MYH3: variants seen among roughly 807,000 people sequenced by gnomAD.
The protein encoded by MYH3 is myosin heavy chain 3.
A neutral mutation model predicts 238.0 loss-of-function variants in MYH3; 130 were observed. That is an observed-to-expected ratio of 0.55 (90% CI 0.47 to 0.63). MYH3 has a LOEUF of 0.63. MYH3 is among the 30% of genes least tolerant of loss of function. The probability of loss-of-function intolerance (pLI) is 0.00; values close to 1 mark genes in which losing one functional copy is unlikely to be tolerated. For missense variants in MYH3, 1,853 were observed against 2,374.9 expected, an observed-to-expected ratio of 0.78 and a Z score of 4.57; for synonymous variants, 880 against 924.1, an observed-to-expected ratio of 0.95 and a Z score of 0.86.
At chr17:10,643,592 T>G (rs1041406640) in intron 14 of MYH3, among the ~76,000 whole-genome samples, 10 of 152,112 alleles carry the variant, frequency 6.6e-5, no homozygotes, top group African/African-American at 2.2e-4. Flanking sequence ...GCCAGGATGG[T>G]CTTGATCTCT....
rs369469636 is a variant in MYH3 at position 10,644,516 on chromosome 17, T to A, written c.1261-16A>T. 1.2e-4 allele frequency: 189 copies of A among 1,614,060 alleles called. No individual in the cohort carries two copies. Among genetic ancestry groups the A allele is most frequent in the Non-Finnish European group, 1.5e-4 (172 of 1,179,994 alleles). On this transcript the variant is annotated splice_polypyrimidine_tract_variant and intron_variant, in intron 13 of 40. Coordinates refer to ENST00000583535, the MANE Select transcript of MYH3 (RefSeq NM_002470.4). Reference sequence around the variant, plus strand: ...CATGGTGAACCTATCAGGGGAAAGATCAGCTACTGGATATGAAGGAAGTGG... The same window carrying A: ...CATGGTGAACCTATCAGGGGAAAGAACAGCTACTGGATATGAAGGAAGTGG...
At chr17:10,639,945 TAATC>T (rs1427041411) in intron 22 of MYH3, 47 bp downstream of exon 22, 1 of 1,589,604 alleles carries the variant, frequency 6.3e-7, no homozygotes, top group Non-Finnish European at 8.5e-7. Flanking sequence ...TCTAAATAAA[TAATC>T]AAATCTAGAA....
chr17:10,653,872 G>A (rs913431964), intron 3 of MYH3, among the ~76,000 whole-genome samples: 8 of 152,174 alleles, frequency 5.3e-5, no homozygotes, highest in Non-Finnish European at 7.3e-5. Flanking sequence ...CTTCCCTGAC[G>A]TGTTAGCAGC....
rs2074250235 is a variant in MYH3, at chr17:10,639,698, A to C, written c.2787T>G (p.Asp929Glu). ...KIKEVTERAEDEEEINAELTA... is the reference protein window; with the variant it reads ...KIKEVTERAEEEEEINAELTA... ...TCAGCTCAGCATTGATCTCCTCCTC[A>C]TCTTCAGCTCTCTCTGTCACCTCCT... The change falls in exon 23 of 41, where the codon GAT (aspartate) becomes GAG (glutamate). Residue 929 changes from aspartate (D) to glutamate (E), a missense_variant. This residue lies in a region of MYH3 where 678 missense variants were observed against 1,058.9 expected (regional missense o/e 0.64). Transcript: ENST00000583535. 6.2e-7 allele frequency: 1 copy of C among 1,613,498 alleles called. No homozygotes were observed. The highest frequency in any genetic ancestry group is 8.5e-7 in the Non-Finnish European group (1 of 1,179,964).
chr17:10,642,879 T>C lies in MYH3; in HGVS notation c.1528A>G (p.Thr510Ala). 1.2e-6 allele frequency: 2 copies of C among 1,614,194 alleles called. No homozygotes were observed. Among genetic ancestry groups the C allele is most frequent in the Non-Finnish European group, 8.5e-7 (1 of 1,180,034 alleles). ...AGGTCCATCCCGAAGTCAATGAACG[T>C]CCACTCGATGCCTTCCTTCTTGTAC... Reference protein sequence around the residue: ...EEYKKEGIEWTFIDFGMDLAA... With the variant: ...EEYKKEGIEWAFIDFGMDLAA... The change falls in exon 15 of 41, where the codon ACG (threonine) becomes GCG (alanine). Residue 510 changes from threonine (T) to alanine (A), a missense_variant. Physicochemically the swap from Thr to Ala is moderately conservative, Grantham distance 58. This residue lies in a region of MYH3 where 678 missense variants were observed against 1,058.9 expected (regional missense o/e 0.64). Coordinates refer to ENST00000583535, the MANE Select transcript of MYH3 (RefSeq NM_002470.4). The surrounding 1 kb of genome is among the most constrained non-coding windows in gnomAD (Gnocchi z 5.4).
intron 31 of MYH3, 92 bp from the exon 32 acceptor site, chr17:10,634,274 G>A (rs893307989): frequency 1.4e-6 from 2 of 1,453,840 alleles, no homozygotes; most frequent in African/African-American, 1.4e-5. Flanking sequence ...GCAGAGTTAG[G>A]GCTACACTTG....
upstream of MYH3, among the ~76,000 whole-genome samples, chr17:10,661,928 G>A (rs1338394263): frequency 6.6e-6 from 1 of 152,116 alleles, no homozygotes. Flanking sequence ...AATGCCCAGA[G>A]TCTCAAGAAG....
chr17:10,671,380 C>T, the MYH3 span, among the ~76,000 whole-genome samples: 1 of 152,176 alleles, frequency 6.6e-6, no homozygotes, highest in Non-Finnish European at 1.5e-5. Flanking sequence ...CCCAGAAAGA[C>T]TGCCACACTT....
Position 10,631,961 on chromosome 17 carries a change from T to C in MYH3, c.5012A>G (p.Gln1671Arg). Residue 1671 changes from glutamine (Q) to arginine (R), a missense_variant, in exon 35 of 41, where the codon CAG (glutamine) becomes CGG (arginine). Around this residue, in one of 3 missense-constraint regions of MYH3, gnomAD observed 1,044 missense variants for 1,192.6 expected, o/e 0.88. Coordinates refer to ENST00000583535, the MANE Select transcript of MYH3 (RefSeq NM_002470.4). ...ALRGQEDLKEQLAIVERRANL... is the reference protein window; with the variant it reads ...ALRGQEDLKERLAIVERRANL... The stretch of plus-strand genomic sequence containing the variant: ...GGCTCTGCGCTCCACAATCGCCAGC[T>C]GCTCCTTCAGGTCCTCCTGGCCCCG... 6.2e-7 allele frequency: 1 copy of C among 1,614,070 alleles called. No individual in the cohort carries two copies. Among genetic ancestry groups the C allele is most frequent in the Non-Finnish European group, 8.5e-7 (1 of 1,180,042 alleles).
rs1322695760 is a variant in MYH3, at chr17:10,631,829, T to A, written c.5144A>T (p.Gln1715Leu). ...QELLDSNERV[Q>L]LLHTQNTSLI... ...TCCCCTCACCTGGGTATGCAGCAGC[T>A]GCACCCTCTCGTTGGAGTCCAGGAG... Residue 1715 changes from glutamine (Q) to leucine (L), a missense_variant, in exon 35 of 41, where the codon CAG (glutamine) becomes CTG (leucine). This residue lies in a region of MYH3 where 1,044 missense variants were observed against 1,192.6 expected (regional missense o/e 0.88). Transcript: ENST00000583535. 1 of 1,614,174 alleles carries A rather than the reference T, an allele frequency of 6.2e-7. No homozygotes were observed. The highest frequency in any genetic ancestry group is 2.2e-5 in the East Asian group (1 of 44,874).
the MYH3 span, among the ~76,000 whole-genome samples, chr17:10,663,117 GAAATA>G: frequency 0.017 from 2,546 of 151,448 alleles, 29 homozygotes; most frequent in Middle Eastern, 0.034. Flanking sequence ...AAAGTAAACT[GAAATA>G]AAATAAAATA....
rs192854737 is a variant in MYH3, at chr17:10,644,114, G to A, written c.1410+237C>T. On this transcript the variant is annotated intron_variant, in intron 14 of 40. Transcript: ENST00000583535. Reference sequence around the variant, plus strand: ...AGAGGTTGCAGTGAGCCGAGATGGCGCCACTGCATTCTGGCCTGAGTGACA... The same window carrying A: ...AGAGGTTGCAGTGAGCCGAGATGGCACCACTGCATTCTGGCCTGAGTGACA... Among the ~76,000 whole-genome samples, 14 of 151,388 alleles carry A rather than the reference G, an allele frequency of 9.2e-5. 1 individual carries two copies. In the South Asian group the frequency reaches 2.7e-3, roughly 29 times the overall value.
intron 8 of MYH3, 29 bp from the exon 9 acceptor site, chr17:10,647,455 C>T: frequency 6.2e-7 from 1 of 1,608,400 alleles, no homozygotes; most frequent in Non-Finnish European, 8.5e-7. Flanking sequence ...AGGGGGAGAC[C>T]AGATTCTACC....
chr17:10,642,180 AT>A lies in MYH3; in HGVS notation c.1959+59del. ...AATAAATCAAGCTTAGAATCTCAGC[AT>A]TGCTCATTTAGATGTCACTTAAATC... On this transcript the variant is annotated intron_variant, in intron 17 of 40. Coordinates refer to ENST00000583535, the MANE Select transcript of MYH3 (RefSeq NM_002470.4). The surrounding 1 kb of genome is among the most constrained non-coding windows in gnomAD (Gnocchi z 5.4). 6.9e-7 allele frequency: 1 copy of A among 1,452,198 alleles called. No homozygotes were observed. The highest frequency in any genetic ancestry group is 9.6e-7 in the Non-Finnish European group (1 of 1,040,582). The allele number at this position is 1,452,198 out of a possible 1,614,324, so 90.0% of individuals were successfully genotyped here. A position where few individuals can be genotyped will look rare whatever the true frequency, so the allele number is the denominator to read the frequency against.
intron 8 of MYH3, 64 bp downstream of exon 8, chr17:10,648,493 A>G: frequency 7.4e-7 from 1 of 1,342,568 alleles, no homozygotes; most frequent in Non-Finnish European, 1.1e-6. Context: ...CTCTTTGAGG[A>G]CAGGGCTCTT....
chr17:10,630,080 C>A lies in MYH3; in HGVS notation c.5562+12G>T. Reference sequence around the variant, plus strand: ...ACAGAGGACACGATCATGGCGTTTGCGTTCCACTTACCTGGTACGTCAGCT... The same window carrying A: ...ACAGAGGACACGATCATGGCGTTTGAGTTCCACTTACCTGGTACGTCAGCT... On this transcript the variant is annotated intron_variant, in intron 38 of 40. Coordinates refer to ENST00000583535, the MANE Select transcript of MYH3 (RefSeq NM_002470.4). 6.2e-7 allele frequency: 1 copy of A among 1,612,148 alleles called. No homozygotes were observed. The highest frequency in any genetic ancestry group is 1.1e-5 in the South Asian group (1 of 91,040).
At chr17:10,635,909 T>A in intron 28 of MYH3, 56 bp from the exon 29 acceptor site, 1 of 1,433,746 alleles carries the variant, frequency 7.0e-7, no homozygotes, top group South Asian at 1.2e-5. Flanking sequence ...ACTCACCAAC[T>A]TTCTATTATG....
chr17:10,673,398 C>G, the MYH3 span: 1 of 152,204 alleles, frequency 6.6e-6, no homozygotes, highest in East Asian at 1.9e-4. Flanking sequence ...TGATCCCGCA[C>G]GTTCCCGACA....
upstream of MYH3, among the ~76,000 whole-genome samples, chr17:10,657,936 A>G (rs8069980): frequency 0.53 from 80,684 of 151,608 alleles, 21,893 homozygotes; most frequent in Non-Finnish European, 0.61. Context: ...GTTCTGTCTC[A>G]TTAGTATCAT....
Sources: allele counts gnomAD v4.1 joint callset (sites outside exome capture counted in the v4.1 genomes callset), GRCh38; gene constraint gnomAD v4.1.1; regional missense constraint gnomAD v4.1.1; non-coding constraint Gnocchi (gnomAD v3.1); transcripts MANE v1.5; gene names NCBI Gene and HGNC (gene_info 2026-07-23, HGNC 2026-07-21).